Variants in RIMBP2 observed in about 807,000 individuals in gnomAD.
The protein encoded by RIMBP2 is RIMS binding protein 2.
RIMBP2 carries 48 observed loss-of-function variants against 118.6 expected under a neutral mutation model. That is an observed-to-expected ratio of 0.40 (90% CI 0.32 to 0.51). The LOEUF is 0.51. Ranked by LOEUF, RIMBP2 falls within the 20% of genes least tolerant of loss-of-function variation. RIMBP2 has a pLI of 0.41. For missense variants in RIMBP2, 1,551 were observed against 1,768.3 expected (o/e 0.88, Z 2.20); for synonymous variants, 762 against 742.9 (o/e 1.03, Z -0.42).
intron 7 of RIMBP2, among the ~76,000 whole-genome samples, chr12:130,454,331 T>TG (rs2079236971): frequency 6.6e-6 from 1 of 151,262 alleles, no homozygotes; most frequent in African/African-American, 2.4e-5. Flanking sequence ...ATTCAGAGAG[T>TG]GGGGGAAGAA....
chr12:130,433,651 C>T (rs1277959217), intron 14 of RIMBP2, among the ~76,000 whole-genome samples: 1 of 152,162 alleles, frequency 6.6e-6, no homozygotes, highest in Admixed American at 6.5e-5. Context: ...GTCTGCTCAG[C>T]GAGATGTCAT....
chr12:130,573,643 A>C (rs1193534478), intron 2 of RIMBP2, among the ~76,000 whole-genome samples: 1 of 152,032 alleles, frequency 6.6e-6, no homozygotes, highest in Non-Finnish European at 1.5e-5. Flanking sequence ...GCTGACCCCC[A>C]CCTGGGGGGG....
intron 1 of RIMBP2, among the ~76,000 whole-genome samples, chr12:130,652,453 T>G (rs2136280967): frequency 6.6e-6 from 1 of 152,362 alleles, no homozygotes; most frequent in East Asian, 1.9e-4. Flanking sequence ...GTAGTTTTGT[T>G]TCCCTCTTTG....
At chr12:130,553,719 G>A (rs1245969394) in intron 2 of RIMBP2, among the ~76,000 whole-genome samples, 5 of 152,116 alleles carry the variant, frequency 3.3e-5, no homozygotes, top group East Asian at 1.9e-4. Flanking sequence ...ACTCCAGCCC[G>A]GACAACTGAG....
Position 130,470,750 on chromosome 12 carries a change from T to G in RIMBP2, c.103-7A>C, listed in dbSNP as rs941157104. ...TCTTAGCCTCAACCTGAGCCTTTTTTATGATGAAAAGAGAGAAAAGAGTAA... is the reference window on the plus strand; with the variant it reads ...TCTTAGCCTCAACCTGAGCCTTTTTGATGATGAAAAGAGAGAAAAGAGTAA... On this transcript the variant is annotated splice_polypyrimidine_tract_variant and splice_region_variant and intron_variant, in intron 5 of 22. Transcript: ENST00000690449. 4 of 1,231,000 alleles carry G rather than the reference T, an allele frequency of 3.2e-6. No individual in the cohort carries two copies. Among genetic ancestry groups the G allele is most frequent in the Non-Finnish European group, 4.1e-6 (4 of 987,168 alleles). The allele number at this position is 1,231,000 out of a possible 1,614,324, so 76.3% of individuals were successfully genotyped here.
At chr12:130,544,118 T>G (rs2054870443) in intron 2 of RIMBP2, among the ~76,000 whole-genome samples, 1 of 152,214 alleles carries the variant, frequency 6.6e-6, no homozygotes, top group Non-Finnish European at 1.5e-5. Context: ...GCCTTTCCCC[T>G]GTCTCTCCAT....
At chr12:130,651,904 A>G (rs1428736043) in intron 1 of RIMBP2, among the ~76,000 whole-genome samples, 1 of 152,166 alleles carries the variant, frequency 6.6e-6, no homozygotes, top group East Asian at 1.9e-4. Flanking sequence ...AATGTTTAGG[A>G]ATTAAAAGCA....
chr12:130,587,952 C>T (rs1243523161), intron 2 of RIMBP2, among the ~76,000 whole-genome samples: 1 of 152,062 alleles, frequency 6.6e-6, no homozygotes, highest in Non-Finnish European at 1.5e-5. Flanking sequence ...CATATGATGT[C>T]CCTGTCCTTC....
chr12:130,647,559 G>A (rs1439128708), intron 1 of RIMBP2, among the ~76,000 whole-genome samples: 2 of 144,876 alleles, frequency 1.4e-5, no homozygotes, highest in African/African-American at 4.9e-5. Flanking sequence ...GGAGGACTGA[G>A]CTCTGAGCAC....
chr12:130,409,530 T>G (rs905724470), intron 19 of RIMBP2, among the ~76,000 whole-genome samples: 1 of 151,816 alleles, frequency 6.6e-6, no homozygotes, highest in African/African-American at 2.4e-5. Flanking sequence ...TTTTTTTGTA[T>G]AGACGGGGTT....
In RIMBP2 at chr12:130,434,628, G is replaced by A; in HGVS notation, c.2253+106C>T. ...AGCTGGGCGTCTCCATCTCTCTCAG[G>A]GACCCAAGGGTAGCGGGGAAAGTGC... On this transcript the variant is annotated intron_variant, in intron 14 of 22. Transcript: ENST00000690449. This position sits in a 1 kb window ranked among gnomAD's most constrained non-coding sequence, Gnocchi z 5.7. 1 of 1,269,116 alleles carries A rather than the reference G, an allele frequency of 7.9e-7. No individual in the cohort carries two copies. The highest frequency in any genetic ancestry group is 1.1e-6 in the Non-Finnish European group (1 of 938,376). The allele number at this position is 1,269,116 out of a possible 1,614,324, so 78.6% of individuals were successfully genotyped here.
At chr12:130,661,883 G>T (rs1239187806) in intron 1 of RIMBP2, among the ~76,000 whole-genome samples, 5 of 152,152 alleles carry the variant, frequency 3.3e-5, no homozygotes, top group African/African-American at 1.2e-4. Flanking sequence ...GGAAATGAAG[G>T]TTCCAGAACT....
chr12:130,677,707 T>A (rs140715253), intron 1 of RIMBP2, among the ~76,000 whole-genome samples: 2 of 151,968 alleles, frequency 1.3e-5, no homozygotes, highest in Admixed American at 1.3e-4. Flanking sequence ...TGGGGTGGGG[T>A]CAAGCCTTTG....
intron 1 of RIMBP2, among the ~76,000 whole-genome samples, chr12:130,645,342 C>T (rs765548618): frequency 6.6e-6 from 1 of 152,176 alleles, no homozygotes; most frequent in Non-Finnish European, 1.5e-5. Flanking sequence ...GCACACCGCT[C>T]CCCCAAAACC....
chr12:130,537,670 C>T (rs2054199799), intron 2 of RIMBP2, among the ~76,000 whole-genome samples: 1 of 152,204 alleles, frequency 6.6e-6, no homozygotes, highest in East Asian at 1.9e-4. Flanking sequence ...GCAGAATTCT[C>T]AGTCCAGGTT....
At chr12:130,535,817 C>A (rs1160257957) in intron 2 of RIMBP2, among the ~76,000 whole-genome samples, 1 of 148,746 alleles carries the variant, frequency 6.7e-6, no homozygotes, top group Non-Finnish European at 1.5e-5. Flanking sequence ...CTTGCTCTGT[C>A]ACTCAGGCTG....
At chr12:130,520,783 T>G (rs2052019470) in intron 2 of RIMBP2, among the ~76,000 whole-genome samples, 1 of 151,560 alleles carries the variant, frequency 6.6e-6, no homozygotes, top group African/African-American at 2.4e-5. Context: ...GCCAAAGCCC[T>G]TCCTACCATG....
intron 19 of RIMBP2, among the ~76,000 whole-genome samples, chr12:130,412,001 C>CT (rs1275719692): frequency 6.6e-6 from 1 of 151,272 alleles, no homozygotes; most frequent in African/African-American, 2.4e-5. Flanking sequence ...AAAGCAGAGG[C>CT]TTTTTTTGAG....
intron 2 of RIMBP2, among the ~76,000 whole-genome samples, chr12:130,567,507 G>A (rs1234432524): frequency 6.6e-6 from 1 of 152,246 alleles, no homozygotes; most frequent in African/African-American, 2.4e-5. Context: ...CACTCTGCCT[G>A]AAGGGACACT....
Sources: allele counts gnomAD v4.1 joint callset (sites outside exome capture counted in the v4.1 genomes callset), GRCh38; gene constraint gnomAD v4.1.1; non-coding constraint Gnocchi (gnomAD v3.1); transcripts MANE v1.5; gene names NCBI Gene and HGNC (gene_info 2026-07-23, HGNC 2026-07-21).